Variants in CCDC7 observed in about 807,000 individuals in gnomAD.
CCDC7 encodes coiled-coil domain-containing protein 7.
Under a neutral mutation model 196.9 loss-of-function variants are expected in CCDC7, and 183 were observed. That is an observed-to-expected ratio of 0.93 (90% CI 0.82 to 1.05). CCDC7 has a LOEUF of 1.05. CCDC7 is among the 50% of genes least tolerant of loss of function. The probability of loss-of-function intolerance (pLI) is 0.00; values close to 1 mark genes in which losing one functional copy is unlikely to be tolerated. For missense variants in CCDC7, 1,540 were observed against 1,482.2 expected (o/e 1.04, Z -0.64); for synonymous variants, 525 against 484.6 (o/e 1.08, Z -1.10).
At chr10:32,868,046 C>T (rs2094271297) in intron 41 of CCDC7, among the ~76,000 whole-genome samples, 2 of 151,912 alleles carry the variant, frequency 1.3e-5, no homozygotes, top group South Asian at 4.1e-4. Context: ...GCTTATTTCA[C>T]TTAGCATAAT....
intron 21 of CCDC7, among the ~76,000 whole-genome samples, chr10:32,668,245 C>T (rs993026890): frequency 2.6e-5 from 4 of 152,092 alleles, no homozygotes; most frequent in African/African-American, 9.7e-5. Flanking sequence ...GCTGAAGTTG[C>T]CTATCAGCTT....
intron 29 of CCDC7, among the ~76,000 whole-genome samples, chr10:32,793,097 T>C (rs11813572): frequency 0.053 from 8,082 of 152,276 alleles, 719 homozygotes; most frequent in African/African-American, 0.18. Flanking sequence ...TGTATTAATC[T>C]TGAATACTTT....
downstream of CCDC7, among the ~76,000 whole-genome samples, chr10:32,878,873 A>T (rs1253790507): frequency 1.3e-5 from 2 of 152,190 alleles, no homozygotes; most frequent in Non-Finnish European, 2.9e-5. Flanking sequence ...GAAGCCAAAT[A>T]TAAATGGGAA....
At chr10:32,696,313 T>A (rs1164116588) in intron 24 of CCDC7, among the ~76,000 whole-genome samples, 2 of 152,086 alleles carry the variant, frequency 1.3e-5, no homozygotes, top group African/African-American at 2.4e-5. Flanking sequence ...TATTTCCTCC[T>A]CATTCTCATG....
At chr10:32,848,623 T>C (rs2504011) in exon 39 of CCDC7, 627,435 of 1,474,872 alleles carry the variant, frequency 0.43, 144,890 homozygotes, top group Non-Finnish European at 0.47. Flanking sequence ...AACAAAGATA[T>C]GTCCGTACAA....
chr10:32,594,328 A>C (rs900204118), intron 18 of CCDC7, among the ~76,000 whole-genome samples: 3 of 152,206 alleles, frequency 2.0e-5, no homozygotes, highest in East Asian at 1.9e-4. Context: ...ATGGGAGTTC[A>C]CTCATGATTT....
At chr10:32,756,813 G>T (rs2076536993) in intron 28 of CCDC7, among the ~76,000 whole-genome samples, 1 of 152,108 alleles carries the variant, frequency 6.6e-6, no homozygotes, top group Non-Finnish European at 1.5e-5. Flanking sequence ...CTGGCAAATT[G>T]GATAGAGTCA....
At chr10:32,455,502 A>C (rs927302268) in intron 2 of CCDC7, among the ~76,000 whole-genome samples, 3 of 151,920 alleles carry the variant, frequency 2.0e-5, no homozygotes, top group Non-Finnish European at 4.4e-5. Context: ...TTTTTAGTAG[A>C]GACGGGATTT....
At chr10:32,779,546 G>A (rs2080703440) in intron 29 of CCDC7, among the ~76,000 whole-genome samples, 1 of 152,222 alleles carries the variant, frequency 6.6e-6, no homozygotes, top group Non-Finnish European at 1.5e-5. Context: ...TCATCAGAAT[G>A]TGGAAGAAGC....
chr10:32,743,672 A>G (rs1234803866), intron 28 of CCDC7, among the ~76,000 whole-genome samples: 6 of 152,180 alleles, frequency 3.9e-5, no homozygotes, highest in Non-Finnish European at 8.8e-5. Context: ...TGATACTGCT[A>G]TAAAGACACA....
At position 32,700,316 on chromosome 10, in the gene CCDC7, T is replaced by C. The variant is rs1369211013; in HGVS notation, c.2458+5324T>C. On this transcript the variant is annotated intron_variant, in intron 24 of 41. Transcript: ENST00000639629. The stretch of plus-strand genomic sequence containing the variant: ...GCACCATTTATTAACTAGGGAATCC[T>C]TTCCCCATTTCTTGTTTTTGTCAGG... 4.0e-5 allele frequency among the ~76,000 whole-genome samples: 6 copies of C among 149,560 alleles called. No homozygotes were observed. In the East Asian group the frequency reaches 1.2e-3, roughly 29 times the overall value.
intron 35 of CCDC7, 62 bp from the exon 37 acceptor site, chr10:32,845,814 C>G: frequency 7.7e-7 from 1 of 1,303,002 alleles, no homozygotes; most frequent in South Asian, 1.2e-5. Context: ...CACACAGATA[C>G]ACACAGAGGT....
intron 28 of CCDC7, among the ~76,000 whole-genome samples, chr10:32,732,173 A>G (rs1208037470): frequency 6.6e-6 from 1 of 152,186 alleles, no homozygotes; most frequent in Non-Finnish European, 1.5e-5. Context: ...TCTTTTTGCA[A>G]CTGAGAAAAT....
intron 3 of CCDC7, among the ~76,000 whole-genome samples, chr10:32,457,617 A>T (rs922690237): frequency 6.6e-6 from 1 of 152,072 alleles, no homozygotes; most frequent in African/African-American, 2.4e-5. Flanking sequence ...GCTATTTTTC[A>T]TTATCATTCT....
intron 18 of CCDC7, among the ~76,000 whole-genome samples, chr10:32,607,624 A>C: frequency 6.6e-6 from 1 of 152,110 alleles, no homozygotes; most frequent in Admixed American, 6.6e-5. Context: ...GTGATGTATC[A>C]TGTTTATTGA....
At chr10:32,596,144 G>T (rs2060323720) in intron 18 of CCDC7, among the ~76,000 whole-genome samples, 1 of 152,242 alleles carries the variant, frequency 6.6e-6, no homozygotes, top group East Asian at 1.9e-4. Flanking sequence ...ACAGTGGGGT[G>T]TTAAAATCTC....
chr10:32,549,118 G>A (rs2053027646), intron 13 of CCDC7, among the ~76,000 whole-genome samples: 1 of 152,170 alleles, frequency 6.6e-6, no homozygotes, highest in Admixed American at 6.5e-5. Flanking sequence ...GCAGGAGCAA[G>A]GTGGTATGGC....
chr10:32,575,549 G>A (rs908023037), intron 16 of CCDC7, among the ~76,000 whole-genome samples: 1 of 152,206 alleles, frequency 6.6e-6, no homozygotes, highest in Admixed American at 6.5e-5. Context: ...CAAAATTATA[G>A]GGGAATTGGG....
chr10:32,660,035 G>T (rs935426671), intron 20 of CCDC7, among the ~76,000 whole-genome samples: 3 of 152,092 alleles, frequency 2.0e-5, no homozygotes, highest in African/African-American at 7.2e-5. Context: ...GTACGTGCCT[G>T]TTTGGTGCTC....
Sources: allele counts gnomAD v4.1 joint callset (sites outside exome capture counted in the v4.1 genomes callset), GRCh38; gene constraint gnomAD v4.1.1; transcripts MANE v1.5; gene names NCBI Gene and HGNC (gene_info 2026-07-23, HGNC 2026-07-21).